Variants in SNX12 observed in about 807,000 individuals in gnomAD.
The protein encoded by SNX12 is sorting nexin 12, also known as sorting nexin-12.
For synonymous variants in SNX12, 47 were observed against 56.0 expected, an observed-to-expected ratio of 0.84 and a Z score of 0.71; for missense variants, 62 against 141.3, an observed-to-expected ratio of 0.44 and a Z score of 2.84.
At chrX:71,067,424 T>C (rs1336901534) in intron 1 of SNX12, among the ~76,000 whole-genome samples, 1 of 112,208 alleles carries the variant, frequency 8.9e-6, no homozygotes, top group Non-Finnish European at 1.9e-5. Flanking sequence ...AGGATCCACA[T>C]AGAATGAAAG....
upstream of SNX12, among the ~76,000 whole-genome samples, chrX:71,071,570 TA>T (rs1388595179): frequency 3.3e-5 from 2 of 59,976 alleles, no homozygotes; most frequent in Admixed American, 3.0e-4. Flanking sequence ...AATATTTATA[TA>T]TTATATATAT....
upstream of SNX12, among the ~76,000 whole-genome samples, chrX:71,072,213 G>A (rs970697152): frequency 1.9e-5 from 2 of 106,604 alleles, no homozygotes; most frequent in African/African-American, 3.5e-5. Context: ...ATCCGAGATC[G>A]AGCCACTGCA....
upstream of SNX12, among the ~76,000 whole-genome samples, chrX:71,069,074 C>G (rs960008302): frequency 8.9e-6 from 1 of 112,022 alleles, no homozygotes; most frequent in Non-Finnish European, 1.9e-5. Context: ...GAACTCCATA[C>G]TTGGCACTGC....
upstream of SNX12, among the ~76,000 whole-genome samples, chrX:71,072,537 G>A (rs888832585): frequency 9.0e-6 from 1 of 111,375 alleles, no homozygotes; most frequent in Non-Finnish European, 1.9e-5. Flanking sequence ...TGAATCAGAG[G>A]TAAAGAAGTG....
At chrX:71,062,453 A>C (rs1433910103) in intron 2 of SNX12, among the ~76,000 whole-genome samples, 1 of 104,708 alleles carries the variant, frequency 9.6e-6, no homozygotes, top group African/African-American at 3.6e-5. Context: ...GCTAACTGCA[A>C]CCTCTGCCTC....
At chrX:71,063,962 G>GTA (rs1045217410) in intron 1 of SNX12, among the ~76,000 whole-genome samples, 13 of 110,513 alleles carry the variant, frequency 1.2e-4, no homozygotes, top group African/African-American at 3.6e-4. Flanking sequence ...GTATAGAACA[G>GTA]TATATATATA....
chrX:71,068,080 T>TCCCCCCCCCC, intron 1 of SNX12, 62 bp downstream of exon 1: 1 of 627,032 alleles, frequency 1.6e-6, no homozygotes, highest in Non-Finnish European at 2.2e-6. Flanking sequence ...GTAGCCTCCC[T>TCCCCCCCCCC]CCCCCCTCCC....
intron 1 of SNX12, among the ~76,000 whole-genome samples, chrX:71,064,981 C>T (rs181020634): frequency 1.5e-3 from 172 of 112,812 alleles, no homozygotes; most frequent in African/African-American, 5.1e-3. Flanking sequence ...GTACATTAAA[C>T]TCCATCCAGG....
chrX:71,065,490 G>A (rs1344485204), intron 1 of SNX12, among the ~76,000 whole-genome samples: 5 of 108,943 alleles, frequency 4.6e-5, no homozygotes, highest in African/African-American at 1.7e-4. Context: ...CCAACATGGC[G>A]AAACCCCATC....
Position 71,060,990 on chromosome X carries a change from T to C in SNX12, c.*26A>G. 6.4e-6 allele frequency: 7 copies of C among 1,094,633 alleles called. No individual in the cohort carries two copies. Among genetic ancestry groups the C allele is most frequent in the Non-Finnish European group, 8.8e-6 (7 of 793,418 alleles). The allele number at this position is 1,094,633 out of a possible 1,213,427, so 90.2% of individuals were successfully genotyped here. A position where few individuals can be genotyped will look rare whatever the true frequency, so the allele number is the denominator to read the frequency against. ...AACCAATGTCATTTCAGCAGGAAAG[T>C]AGAGGGCAGGTGGTGAGAGGGGCTC... On this transcript the variant is annotated 3_prime_UTR_variant, in exon 4 of 4. Transcript: ENST00000374274.
Position 71,061,851 on chromosome X carries a change from A to C in SNX12, c.378T>G (p.Phe126Leu), listed in dbSNP as rs2092132636. ...IEERRQGLEQ[F>L]INKIAGHPLA... is the part of the protein sequence containing the mutation. ...CCAGGAACTTGGCTTACTTGTTAAT[A>C]AACTGCTCGAGGCCCTGCCTCCTTT... The change falls in exon 3 of 4, where the codon TTT becomes TTG. Residue 126 changes from phenylalanine to leucine, a missense_variant. Coordinates refer to ENST00000374274, the MANE Select transcript of SNX12 (RefSeq NM_013346.4). 2 of 1,206,404 alleles carry C rather than the reference A, an allele frequency of 1.7e-6. No individual in the cohort carries two copies.
chrX:71,061,103 T>C lies in SNX12; in HGVS notation c.402A>G (p.Pro134=). The change falls in exon 4 of 4, where the codon CCA becomes CCG. Residue 134 remains proline (P), a synonymous_variant. Coordinates refer to ENST00000374274, the MANE Select transcript of SNX12 (RefSeq NM_013346.4). ...EQFINKIAGH[P]LAQNERCLHM... ...GTAGGCAGCGTTCATTCTGAGCCAGTGGGTGCCCAGCAATTCTATAAAGAA... is the reference window on the plus strand; with the variant it reads ...GTAGGCAGCGTTCATTCTGAGCCAGCGGGTGCCCAGCAATTCTATAAAGAA... 1 of 1,205,852 alleles carries C rather than the reference T, an allele frequency of 8.3e-7. No homozygotes were observed. The highest frequency in any genetic ancestry group is 1.1e-6 in the Non-Finnish European group (1 of 891,079).
Sources: allele counts gnomAD v4.1 joint callset (sites outside exome capture counted in the v4.1 genomes callset), GRCh38; gene constraint gnomAD v4.1.1; transcripts MANE v1.5; gene names NCBI Gene and HGNC (gene_info 2026-07-23, HGNC 2026-07-21).